The following SHISA6 variants were observed in gnomAD, a reference collection of about 807,000 sequenced individuals.
SHISA6 encodes the protein shisa family member 6.
Under a neutral mutation model 47.9 loss-of-function variants are expected in SHISA6, and 22 were observed. The observed-to-expected ratio is 0.46, with a 90% CI of 0.33 to 0.66. The LOEUF (loss-of-function observed/expected upper bound fraction) is 0.66, where lower values mean the gene tolerates loss of function less well. Among genes scored for constraint, SHISA6 ranks in the 30% least tolerant of loss-of-function variants. The pLI is 0.02. For missense variants in SHISA6, 680 were observed against 764.6 expected (o/e 0.89, Z 1.30); for synonymous variants, 388 against 337.8 (o/e 1.15, Z -1.63).
At chr17:11,349,270 C>G (rs927823301) in intron 2 of SHISA6, among the ~76,000 whole-genome samples, 4 of 152,164 alleles carry the variant, frequency 2.6e-5, no homozygotes, top group African/African-American at 9.7e-5. Context: ...CCTCATCCCC[C>G]AAAGGTATTA....
intron 1 of SHISA6, among the ~76,000 whole-genome samples, chr17:11,247,996 G>A (rs1282490612): frequency 2.0e-5 from 3 of 152,032 alleles, no homozygotes; most frequent in Non-Finnish European, 4.4e-5. Flanking sequence ...GAATGGTCTC[G>A]ATCTCCTGAC....
chr17:11,330,630 T>C (rs1159820091), intron 2 of SHISA6, among the ~76,000 whole-genome samples: 1 of 152,156 alleles, frequency 6.6e-6, no homozygotes, highest in Non-Finnish European at 1.5e-5. Context: ...TTCCCTGAGC[T>C]TCCCTGGGGT....
At chr17:11,386,113 T>C (rs1008981142) in intron 3 of SHISA6, among the ~76,000 whole-genome samples, 7 of 152,134 alleles carry the variant, frequency 4.6e-5, no homozygotes, top group Admixed American at 6.5e-5. Context: ...CAGAAATGTT[T>C]CCTAATAAAA....
chr17:11,384,214 C>A (rs1258960307), intron 3 of SHISA6, among the ~76,000 whole-genome samples: 1 of 152,208 alleles, frequency 6.6e-6, no homozygotes, highest in Admixed American at 6.5e-5. Context: ...TGCTGCTGCT[C>A]ACTGTGCTAT....
chr17:11,300,675 T>C (rs184100693), intron 2 of SHISA6, among the ~76,000 whole-genome samples: 199 of 151,796 alleles, frequency 1.3e-3, no homozygotes, highest in African/African-American at 3.5e-3. Flanking sequence ...TTTTCTTTTT[T>C]TTTTTTTTTG....
chr17:11,535,112 A>G (rs1394648878), intron 3 of SHISA6, among the ~76,000 whole-genome samples: 1 of 152,136 alleles, frequency 6.6e-6, no homozygotes, highest in African/African-American at 2.4e-5. Flanking sequence ...CCAGCCTGGC[A>G]ACAAAGCGAG....
chr17:11,375,764 G>A (rs190476694), intron 2 of SHISA6, among the ~76,000 whole-genome samples: 3 of 152,308 alleles, frequency 2.0e-5, no homozygotes, highest in African/African-American at 4.8e-5. Context: ...ATGGAGTTCT[G>A]ACGGGAGGTC....
At chr17:11,492,070 C>T (rs566986264) in intron 3 of SHISA6, among the ~76,000 whole-genome samples, 1 of 152,170 alleles carries the variant, frequency 6.6e-6, no homozygotes, top group African/African-American at 2.4e-5. Flanking sequence ...TGCCCAGCCG[C>T]TGGTGAAGGT....
chr17:11,373,981 T>G (rs1912707797), intron 2 of SHISA6, among the ~76,000 whole-genome samples: 1 of 152,210 alleles, frequency 6.6e-6, no homozygotes, highest in Non-Finnish European at 1.5e-5. Flanking sequence ...ATTGCCAAAG[T>G]TCTTTTCAAA....
chr17:11,338,564 G>A (rs986700773), intron 2 of SHISA6, among the ~76,000 whole-genome samples: 7 of 151,738 alleles, frequency 4.6e-5, no homozygotes, highest in Non-Finnish European at 8.8e-5. Context: ...ACCACACCCA[G>A]CTAATTTTTG....
At chr17:11,293,042 G>A (rs1336273734) in intron 2 of SHISA6, among the ~76,000 whole-genome samples, 3 of 151,890 alleles carry the variant, frequency 2.0e-5, no homozygotes, top group Non-Finnish European at 2.9e-5. Context: ...TCAGGCTGGT[G>A]TTGAACTCCC....
At chr17:11,304,047 A>C (rs2142179985) in intron 2 of SHISA6, among the ~76,000 whole-genome samples, 1 of 152,322 alleles carries the variant, frequency 6.6e-6, no homozygotes, top group East Asian at 1.9e-4. Context: ...ATGGAGCAGA[A>C]GGCCATATCA....
rs1324277731 is a variant in SHISA6 at position 11,557,930 on chromosome 17, G to T, written c.1282G>T (p.Gly428Cys). 2.6e-6 allele frequency: 4 copies of T among 1,551,398 alleles called. No homozygotes were observed. Among genetic ancestry groups the T allele is most frequent in the Non-Finnish European group, 2.6e-6 (3 of 1,146,978 alleles). ...SQDRVLSPDR[G>C]LPDEFSMPYD... ...GGACAGGGTCCTGTCCCCGGATCGG[G>T]GCCTGCCAGATGAGTTCAGCATGCC... The change falls in exon 6 of 6, where the codon GGC becomes TGC. Residue 428 changes from glycine to cysteine, a missense_variant. This residue lies in a region of SHISA6 where 559 missense variants were observed against 674.1 expected (regional missense o/e 0.83). Coordinates refer to ENST00000441885, the MANE Select transcript of SHISA6 (RefSeq NM_207386.4).
intron 3 of SHISA6, among the ~76,000 whole-genome samples, chr17:11,517,140 G>A (rs1300270567): frequency 5.3e-5 from 8 of 152,252 alleles, no homozygotes; most frequent in South Asian, 2.1e-4. Context: ...TAGAAGTTTC[G>A]TTTTCCAAGG....
At chr17:11,477,469 G>A (rs1916080833) in intron 3 of SHISA6, among the ~76,000 whole-genome samples, 1 of 151,772 alleles carries the variant, frequency 6.6e-6, no homozygotes, top group Non-Finnish European at 1.5e-5. Flanking sequence ...TGCACATTGT[G>A]CAGGTTAGTT....
chr17:11,360,811 A>AG (rs1322757489), intron 2 of SHISA6, among the ~76,000 whole-genome samples: 1 of 151,422 alleles, frequency 6.6e-6, no homozygotes, highest in Admixed American at 6.6e-5. Flanking sequence ...AAAAAAAAAA[A>AG]AAGAATCTCC....
In SHISA6 at chr17:11,241,466, A is replaced by G; in HGVS notation, c.44A>G (p.Glu15Gly). ...CTGCTGCTGCTGCTGCTCTCGCTGG[A>G]GTCCCTGGACCTGCTGCCCAGCGTC... ...RLLLLLLLSL[E>G]SLDLLPSVHG... The change falls in exon 1 of 6, where the codon GAG becomes GGG. Residue 15 changes from glutamate (E) to glycine (G), a missense_variant. This residue lies in a region of SHISA6 where 121 missense variants were observed against 90.5 expected (regional missense o/e 1.34). Coordinates refer to ENST00000441885, the MANE Select transcript of SHISA6 (RefSeq NM_207386.4). This position sits in a 1 kb window ranked among gnomAD's most constrained non-coding sequence, Gnocchi z 5.5. The G allele has an allele frequency of 1.6e-6, 2 of 1,212,866 alleles. No individual in the cohort carries two copies. The highest frequency in any genetic ancestry group is 1.0e-6 in the Non-Finnish European group (1 of 957,796). The allele number at this position is 1,212,866 out of a possible 1,614,324, so 75.1% of individuals were successfully genotyped here. A position where few individuals can be genotyped will look rare whatever the true frequency, so the allele number is the denominator to read the frequency against.
intron 1 of SHISA6, among the ~76,000 whole-genome samples, chr17:11,254,408 GGGA>G (rs1343758096): frequency 6.6e-6 from 1 of 152,234 alleles, no homozygotes; most frequent in African/African-American, 2.4e-5. Context: ...TCTGGGATGT[GGGA>G]GGAGATGTAT....
chr17:11,321,633 C>A (rs543809479), intron 2 of SHISA6, among the ~76,000 whole-genome samples: 3 of 152,256 alleles, frequency 2.0e-5, no homozygotes, highest in African/African-American at 7.2e-5. Flanking sequence ...GAGTTTCAAT[C>A]TACTATCTTG....
Sources: gnomAD v4.1 joint callset for allele counts (sites outside exome capture counted in the v4.1 genomes callset) on GRCh38, gnomAD v4.1.1 for gene constraint, gnomAD v4.1.1 regional missense constraint, Gnocchi (gnomAD v3.1) non-coding constraint, MANE v1.5 for transcripts, NCBI Gene and HGNC (gene_info 2026-07-23, HGNC 2026-07-21) for gene names.